The following TUBB8 variants were observed in gnomAD, a reference collection of about 807,000 sequenced individuals.
The protein encoded by TUBB8 is tubulin beta 8 class VIII.
Under a neutral mutation model 33.7 loss-of-function variants are expected in TUBB8, and 25 were observed. That is an observed-to-expected ratio of 0.74 (90% CI 0.54 to 1.04). The LOEUF is 1.04. TUBB8 is among the 50% of genes least tolerant of loss of function. The pLI, the probability that TUBB8 is intolerant of heterozygous loss-of-function variation, is 0.00. For missense variants in TUBB8, 279 were observed against 608.0 expected (o/e 0.46, Z 5.69); for synonymous variants, 245 against 240.1 (o/e 1.02, Z -0.19).
intron 1 of TUBB8, among the ~76,000 whole-genome samples, chr10:60,992 C>T (rs1212828439): frequency 8.7e-5 from 13 of 148,736 alleles, no homozygotes; most frequent in Admixed American, 1.4e-4. Context: ...AACCAAACAC[C>T]GCATATTCTC....
At chr10:53,103 G>T (rs1834488982), upstream of TUBB8, among the ~76,000 whole-genome samples, 2 of 152,020 alleles carry the variant, frequency 1.3e-5, no homozygotes, top group Non-Finnish European at 2.9e-5. Flanking sequence ...AAGAAATTTT[G>T]TTTGAAACAT....
chr10:48,924 G>C lies in TUBB8; in HGVS notation c.58-12C>G, dbSNP rs781926447. The C allele has an allele frequency of 2.0e-6, 3 of 1,474,090 alleles. No homozygotes were observed. The highest frequency in any genetic ancestry group is 2.4e-5 in the South Asian group (2 of 83,568). The allele number at this position is 1,474,090 out of a possible 1,614,324, so 91.3% of individuals were successfully genotyped here. A position where few individuals can be genotyped will look rare whatever the true frequency, so the allele number is the denominator to read the frequency against. On this transcript the variant is annotated splice_polypyrimidine_tract_variant and intron_variant, in intron 1 of 3. Coordinates refer to ENST00000568584, the MANE Select transcript of TUBB8 (RefSeq NM_177987.3). The stretch of plus-strand genomic sequence containing the variant: ...ATCACCTCCCAGAACTGCAAGAGAC[G>C]GGAGGAGACAGACAGGCCGGGGCTG...
intron 1 of TUBB8, among the ~76,000 whole-genome samples, chr10:68,254 T>G (rs1554741898): frequency 1.3e-5 from 2 of 152,164 alleles, no homozygotes; most frequent in African/African-American, 4.8e-5. Context: ...TTCATGACAC[T>G]CCTAAGACTC....
intron 1 of TUBB8, among the ~76,000 whole-genome samples, chr10:64,687 A>C (rs1437536598): frequency 6.6e-6 from 1 of 152,202 alleles, no homozygotes; most frequent in Admixed American, 6.5e-5. Context: ...TCACACATAC[A>C]CATCAACACA....
chr10:51,961 G>A (rs1458189626), upstream of TUBB8, among the ~76,000 whole-genome samples: 3 of 152,184 alleles, frequency 2.0e-5, no homozygotes, highest in African/African-American at 7.2e-5. Context: ...ACTGCAAAAC[G>A]GAGGCGGTGA....
At chr10:73,228 T>A (rs534112185) in intron 1 of TUBB8, among the ~76,000 whole-genome samples, 1 of 152,400 alleles carries the variant, frequency 6.6e-6, no homozygotes, top group South Asian at 2.1e-4. Context: ...GTTTTTGTTT[T>A]TTGAGACAAG....
chr10:50,009 C>T (rs10751931), upstream of TUBB8: 127,524 of 158,478 alleles, frequency 0.8, 52,137 homozygotes, highest in Middle Eastern at 0.89. Flanking sequence ...GTGGGGAATG[C>T]CTCGATCTAA....
At chr10:69,498 A>C (rs1345395369) in intron 1 of TUBB8, among the ~76,000 whole-genome samples, 4 of 152,256 alleles carry the variant, frequency 2.6e-5, no homozygotes, top group Non-Finnish European at 4.4e-5. Context: ...TCTAAGAATC[A>C]CCCGCAATTT....
At chr10:64,520 C>G (rs10904409) in intron 1 of TUBB8, among the ~76,000 whole-genome samples, 27,166 of 151,336 alleles carry the variant, frequency 0.18, 1,748 homozygotes, top group African/African-American at 0.37. Flanking sequence ...TCACCCTAAC[C>G]CTTAACCCTA....
chr10:61,455 T>C (rs1350380319), intron 1 of TUBB8, among the ~76,000 whole-genome samples: 1 of 152,218 alleles, frequency 6.6e-6, no homozygotes, highest in African/African-American at 2.4e-5. Flanking sequence ...TTTGTTCCAT[T>C]GTGGTCAGAG....
chr10:57,978 C>CA (rs1554740410), intron 1 of TUBB8, among the ~76,000 whole-genome samples: 1 of 152,072 alleles, frequency 6.6e-6, no homozygotes, highest in Admixed American at 6.6e-5. Context: ...TTACAACTTA[C>CA]TTTTTTTTGC....
upstream of TUBB8, among the ~76,000 whole-genome samples, chr10:50,790 C>G (rs187041114): frequency 6.6e-6 from 1 of 152,330 alleles, no homozygotes; most frequent in Non-Finnish European, 1.5e-5. Flanking sequence ...CTGCTGAGGT[C>G]GAAGCCAGCA....
At chr10:48,935 G>A (rs1360616990) in intron 1 of TUBB8, 23 bp from the exon 2 acceptor site, 3 of 1,421,668 alleles carry the variant, frequency 2.1e-6, no homozygotes, top group East Asian at 2.5e-5. Flanking sequence ...GGAGGAGACA[G>A]ACAGGCCGGG....
upstream of TUBB8, chr10:49,344 C>T: frequency 8.5e-7 from 1 of 1,177,806 alleles, no homozygotes; most frequent in East Asian, 2.6e-5. Context: ...GCGCCCACCT[C>T]CCTCCGCCTC....
chr10:72,747 G>A (rs1554742514), intron 1 of TUBB8, among the ~76,000 whole-genome samples: 7 of 151,844 alleles, frequency 4.6e-5, no homozygotes, highest in South Asian at 2.1e-4. Flanking sequence ...CAGTTCTTGG[G>A]GAGGCTGAGA....
rs547105830 is a variant in TUBB8 at position 49,259 on chromosome 10, G to T, written c.-21C>A. 4 of 1,570,874 alleles carry T rather than the reference G, an allele frequency of 2.5e-6. No homozygotes were observed. Among genetic ancestry groups the T allele is most frequent in the African/African-American group, 1.4e-5 (1 of 73,772 alleles). On this transcript the variant is annotated 5_prime_UTR_variant, in exon 1 of 4. Coordinates refer to ENST00000568584, the MANE Select transcript of TUBB8 (RefSeq NM_177987.3). ...CTCATGGCCAAGGCGGGATTAGGAC[G>T]GCAGGAGAAACGTGAGAAGGAGGAG...
At chr10:62,134 C>T (rs1210979776) in intron 1 of TUBB8, among the ~76,000 whole-genome samples, 1 of 152,164 alleles carries the variant, frequency 6.6e-6, no homozygotes, top group Non-Finnish European at 1.5e-5. Context: ...CCTTTTGTTA[C>T]TTGTTTTCTG....
intron 1 of TUBB8, among the ~76,000 whole-genome samples, chr10:57,098 G>C (rs1170392749): frequency 6.6e-6 from 1 of 152,210 alleles, no homozygotes; most frequent in African/African-American, 2.4e-5. Context: ...GAATTTTAAG[G>C]CTCTAAAATA....
At chr10:73,529 G>A (rs1368019540) in intron 1 of TUBB8, among the ~76,000 whole-genome samples, 4 of 152,318 alleles carry the variant, frequency 2.6e-5, no homozygotes, top group Admixed American at 2.6e-4. Flanking sequence ...TGTAATCCCA[G>A]CTACTCGAGA....
Sources: gnomAD v4.1 joint callset for allele counts (sites outside exome capture counted in the v4.1 genomes callset) on GRCh38, gnomAD v4.1.1 for gene constraint, MANE v1.5 for transcripts, NCBI Gene and HGNC (gene_info 2026-07-23, HGNC 2026-07-21) for gene names.